The following RYR2 variants were observed in gnomAD, a reference collection of about 807,000 sequenced individuals.
RYR2 encodes the protein ryanodine receptor 2.
Under a neutral mutation model 601.1 loss-of-function variants are expected in RYR2, and 227 were observed. The observed-to-expected ratio is 0.38, with a 90% CI of 0.34 to 0.42. RYR2 has a LOEUF of 0.42. Ranked by LOEUF, RYR2 falls within the 10% of genes least tolerant of loss-of-function variation. The probability of loss-of-function intolerance (pLI) is 1.00; values close to 1 mark genes in which losing one functional copy is unlikely to be tolerated. For synonymous variants in RYR2, 2,223 were observed against 2,175.1 expected (o/e 1.02, Z -0.61); for missense variants, 4,646 against 6,156.5 (o/e 0.75, Z 8.21).
At chr1:237,262,815 C>T (rs1226651663) in intron 1 of RYR2, among the ~76,000 whole-genome samples, 1 of 151,684 alleles carries the variant, frequency 6.6e-6, no homozygotes, top group African/African-American at 2.4e-5. Context: ...ACTTAGAGGA[C>T]CAGTTACACA....
At chr1:237,275,501 T>A (rs1025732362) in intron 2 of RYR2, among the ~76,000 whole-genome samples, 3 of 152,042 alleles carry the variant, frequency 2.0e-5, no homozygotes, top group Non-Finnish European at 4.4e-5. Context: ...ATTTTTTTTT[T>A]ATCATGCCAA....
At chr1:237,244,317 G>T (rs1350579635) in intron 1 of RYR2, among the ~76,000 whole-genome samples, 2 of 152,136 alleles carry the variant, frequency 1.3e-5, no homozygotes, top group Non-Finnish European at 2.9e-5. Flanking sequence ...GAGTTCAGAA[G>T]AAAGTACCTG....
At chr1:237,585,336 T>C (rs1425549069) in intron 29 of RYR2, among the ~76,000 whole-genome samples, 5 of 152,202 alleles carry the variant, frequency 3.3e-5, no homozygotes, top group Non-Finnish European at 7.3e-5. Context: ...TAACGATTCC[T>C]ATCTCATTGG....
chr1:237,493,578 G>A (rs930840066), intron 19 of RYR2, among the ~76,000 whole-genome samples: 3 of 151,940 alleles, frequency 2.0e-5, no homozygotes, highest in Admixed American at 6.6e-5. Flanking sequence ...TCAGCCTCCC[G>A]AGTAGCTGGG....
At position 237,590,219 on chromosome 1, in the gene RYR2, T is replaced by C. The variant is rs6689871; in HGVS notation, c.3807+218T>C. On this transcript the variant is annotated intron_variant, in intron 30 of 104. Transcript: ENST00000366574. ...TTGCTTTCAATTCTTTTTTTTTTTT[T>C]CTTGAGCTATGTGTGAAGAAGTCTA... Among the ~76,000 whole-genome samples, 77,098 of 146,816 alleles carry C rather than the reference T, an allele frequency of 0.53. 20,007 individuals are homozygous for C. Among genetic ancestry groups the C allele is most frequent in the East Asian group, 0.68 (3,410 of 5,004 alleles).
rs539946243 is a variant in RYR2, at chr1:237,679,047, A to G, written c.8895+935A>G. 6.6e-5 allele frequency among the ~76,000 whole-genome samples: 10 copies of G among 152,248 alleles called. No individual in the cohort carries two copies. The East Asian group carries it at 1.2e-3, about 18-fold the overall frequency. ...TTCTGTTGTCTTTTCTTCCCATTCA[A>G]TATAGCACTCAGAGTCTGTTCCAAT... On this transcript the variant is annotated intron_variant, in intron 61 of 104. Coordinates refer to ENST00000366574, the MANE Select transcript of RYR2 (RefSeq NM_001035.3).
At chr1:237,644,805 G>A (rs1044575372) in intron 48 of RYR2, among the ~76,000 whole-genome samples, 26 of 152,094 alleles carry the variant, frequency 1.7e-4, no homozygotes, top group Admixed American at 2.6e-4. Context: ...GCCAAGGCAG[G>A]TGGATCACCT....
At chr1:237,577,408 T>A (rs1673344515) in intron 29 of RYR2, among the ~76,000 whole-genome samples, 1 of 152,166 alleles carries the variant, frequency 6.6e-6, no homozygotes, top group Non-Finnish European at 1.5e-5. Context: ...AAGATAGTGA[T>A]CTTGAAATGA....
chr1:237,655,493 G>A (rs927610885), intron 52 of RYR2, among the ~76,000 whole-genome samples: 3 of 152,142 alleles, frequency 2.0e-5, no homozygotes, highest in Non-Finnish European at 2.9e-5. Context: ...TATAAGGAAT[G>A]TAGTCCCTAT....
intron 82 of RYR2, 62 bp from the exon 83 acceptor site, chr1:237,759,714 A>G (rs1002258387): frequency 1.3e-4 from 131 of 1,003,208 alleles, no homozygotes; most frequent in East Asian, 8.1e-4. Context: ...TTGGTTGTTT[A>G]TTTATTTAAC....
chr1:237,206,655 T>G (rs546390555), intron 1 of RYR2, among the ~76,000 whole-genome samples: 119 of 152,366 alleles, frequency 7.8e-4, no homozygotes, highest in Non-Finnish European at 9.0e-4. Flanking sequence ...TATTGTGTCA[T>G]GTAGATATGC....
intron 3 of RYR2, among the ~76,000 whole-genome samples, chr1:237,335,401 T>C (rs1558642449): frequency 6.6e-6 from 1 of 152,194 alleles, no homozygotes; most frequent in South Asian, 2.1e-4. Flanking sequence ...TGACGTAGTA[T>C]AGTAGAAAGG....
At chr1:237,284,013 T>C (rs1043077060) in intron 2 of RYR2, among the ~76,000 whole-genome samples, 1 of 152,194 alleles carries the variant, frequency 6.6e-6, no homozygotes. Context: ...TGCATCCTCA[T>C]AGCTTAGCTC....
intron 1 of RYR2, among the ~76,000 whole-genome samples, chr1:237,265,420 C>A (rs2149328184): frequency 6.6e-6 from 1 of 152,182 alleles, no homozygotes; most frequent in South Asian, 2.1e-4. Flanking sequence ...CTCCCGGGTT[C>A]AAGAGATTCT....
At chr1:237,147,431 T>C (rs1674136642) in intron 1 of RYR2, among the ~76,000 whole-genome samples, 1 of 152,166 alleles carries the variant, frequency 6.6e-6, no homozygotes, top group Non-Finnish European at 1.5e-5. Context: ...ACACACAAAT[T>C]ATCTGTTGCT....
At chr1:237,163,691 G>A (rs1676303774) in intron 1 of RYR2, among the ~76,000 whole-genome samples, 1 of 152,188 alleles carries the variant, frequency 6.6e-6, no homozygotes, top group Admixed American at 6.5e-5. Context: ...GGAAGAGGGA[G>A]TGGAAATACA....
rs923768597 is a variant in RYR2 at position 237,591,050 on chromosome 1, C to T, written c.4160+58C>T. On this transcript the variant is annotated intron_variant, in intron 31 of 104. Coordinates refer to ENST00000366574, the MANE Select transcript of RYR2 (RefSeq NM_001035.3). ...GTAGTTATGTGAGGAAGGTTACAGTCCAGAGTAAAGGGTCTCCTAGTGTAA... is the reference window on the plus strand; with the variant it reads ...GTAGTTATGTGAGGAAGGTTACAGTTCAGAGTAAAGGGTCTCCTAGTGTAA... The T allele has an allele frequency of 2.5e-5, 37 of 1,467,926 alleles. 2 individuals carry two copies. In the East Asian group the frequency reaches 3.8e-4, roughly 15 times the overall value. The allele number at this position is 1,467,926 out of a possible 1,614,324, so 90.9% of individuals were successfully genotyped here.
chr1:237,764,034 G>GTT (rs1693644091), intron 84 of RYR2, among the ~76,000 whole-genome samples: 1 of 152,206 alleles, frequency 6.6e-6, no homozygotes, highest in Non-Finnish European at 1.5e-5. Flanking sequence ...AAAATAATCT[G>GTT]TTGTACCTGA....
At chr1:237,530,770 C>T (rs970205376) in intron 25 of RYR2, among the ~76,000 whole-genome samples, 3 of 151,932 alleles carry the variant, frequency 2.0e-5, no homozygotes, top group Admixed American at 6.6e-5. Flanking sequence ...ATTAGCTGGG[C>T]GTGGTGGCAA....
Sources: allele counts gnomAD v4.1 joint callset (sites outside exome capture counted in the v4.1 genomes callset), GRCh38; gene constraint gnomAD v4.1.1; transcripts MANE v1.5; gene names NCBI Gene and HGNC (gene_info 2026-07-23, HGNC 2026-07-21).